The following DGKI variants were observed in gnomAD, a reference collection of about 807,000 sequenced individuals.
The protein encoded by DGKI is diacylglycerol kinase iota, also known as DAG kinase iota.
A neutral mutation model predicts 147.5 loss-of-function variants in DGKI; 55 were observed. The ratio of observed to expected loss-of-function variants is 0.37; its 90% CI spans 0.30 to 0.47. The LOEUF (loss-of-function observed/expected upper bound fraction) is 0.47. Among genes scored for constraint, DGKI ranks in the 20% least tolerant of loss-of-function variants. DGKI has a pLI of 1.00. For synonymous variants in DGKI, 469 were observed against 477.1 expected, an observed-to-expected ratio of 0.98 and a Z score of 0.22; for missense variants, 1,007 against 1,323.8, an observed-to-expected ratio of 0.76 and a Z score of 3.71.
At chr7:137,810,364 A>G (rs1278448761) in intron 1 of DGKI, among the ~76,000 whole-genome samples, 1 of 152,218 alleles carries the variant, frequency 6.6e-6, no homozygotes, top group Non-Finnish European at 1.5e-5. Flanking sequence ...AATACAGAAA[A>G]AAAAATTAAG....
Position 137,678,543 on chromosome 7 carries a change from G to A in DGKI, c.606+14C>T. Reference sequence around the variant, plus strand: ...CCACAGGCCTTCCCCCAGCAAGACGGAGCGCACACTCACTGCAAATCTGAC... The same window carrying A: ...CCACAGGCCTTCCCCCAGCAAGACGAAGCGCACACTCACTGCAAATCTGAC... On this transcript the variant is annotated intron_variant, in intron 3 of 32. Transcript: ENST00000614521. 6.2e-7 allele frequency: 1 copy of A among 1,613,288 alleles called. No individual in the cohort carries two copies. The highest frequency in any genetic ancestry group is 2.2e-5 in the East Asian group (1 of 44,874).
intron 1 of DGKI, among the ~76,000 whole-genome samples, chr7:137,706,642 G>A (rs1168287947): frequency 6.8e-6 from 1 of 147,838 alleles, no homozygotes; most frequent in East Asian, 2.0e-4. Flanking sequence ...GTGCAATTTT[G>A]GATCACTGCA....
intron 12 of DGKI, among the ~76,000 whole-genome samples, chr7:137,589,282 G>A (rs911931268): frequency 1.3e-5 from 2 of 152,200 alleles, no homozygotes; most frequent in African/African-American, 4.8e-5. Flanking sequence ...CTCCACAAAG[G>A]TGACTTACCA....
At chr7:137,745,147 T>A (rs1305494958) in intron 1 of DGKI, among the ~76,000 whole-genome samples, 1 of 152,168 alleles carries the variant, frequency 6.6e-6, no homozygotes, top group Non-Finnish European at 1.5e-5. Context: ...TGTAAAAACA[T>A]CCGTTTGTGG....
At chr7:137,721,489 CA>C in intron 1 of DGKI, among the ~76,000 whole-genome samples, 2 of 152,124 alleles carry the variant, frequency 1.3e-5, no homozygotes, top group Non-Finnish European at 2.9e-5. Flanking sequence ...ACTATCTCTC[CA>C]CTGCCTCTAC....
chr7:137,729,299 T>A (rs1794801488), intron 1 of DGKI, among the ~76,000 whole-genome samples: 1 of 152,104 alleles, frequency 6.6e-6, no homozygotes, highest in Non-Finnish European at 1.5e-5. Flanking sequence ...CATGTGCAAC[T>A]TCTCTTACTC....
chr7:137,514,980 A>G (rs186761816), intron 21 of DGKI, among the ~76,000 whole-genome samples: 1 of 152,236 alleles, frequency 6.6e-6, no homozygotes, highest in Admixed American at 6.5e-5. Context: ...CATGGCCTAT[A>G]AGCCCCCTCC....
chr7:137,763,351 C>T (rs1339323549), intron 1 of DGKI, among the ~76,000 whole-genome samples: 2 of 152,216 alleles, frequency 1.3e-5, no homozygotes, highest in Non-Finnish European at 2.9e-5. Context: ...AAATGTCTCG[C>T]AGGATCCTAG....
intron 21 of DGKI, among the ~76,000 whole-genome samples, chr7:137,498,210 T>A (rs1410672391): frequency 6.6e-6 from 1 of 150,994 alleles, no homozygotes. Context: ...AGTTAAAAGA[T>A]AAAGTTGAGA....
chr7:137,837,926 A>G (rs1798433299), intron 1 of DGKI, among the ~76,000 whole-genome samples: 1 of 151,810 alleles, frequency 6.6e-6, no homozygotes, highest in Non-Finnish European at 1.5e-5. Flanking sequence ...CGGTGCTTCA[A>G]TTGCATAGGA....
intron 1 of DGKI, among the ~76,000 whole-genome samples, chr7:137,825,762 G>A (rs1401608760): frequency 6.6e-6 from 1 of 151,954 alleles, no homozygotes; most frequent in East Asian, 1.9e-4. Context: ...TTTCTAACAT[G>A]GATGGACGGT....
At chr7:137,547,469 G>A (rs1221754907) in intron 20 of DGKI, among the ~76,000 whole-genome samples, 1 of 152,300 alleles carries the variant, frequency 6.6e-6, no homozygotes, top group Non-Finnish European at 1.5e-5. Flanking sequence ...GTGGACCATA[G>A]CTTGAAATTA....
At position 137,584,541 on chromosome 7, in the gene DGKI, A is replaced by C. The variant is rs1186272126; in HGVS notation, c.1563+668T>G. On this transcript the variant is annotated intron_variant, in intron 14 of 32. Coordinates refer to ENST00000614521, the MANE Select transcript of DGKI (RefSeq NM_001321708.2). The stretch of plus-strand genomic sequence containing the variant: ...ATGACAACAATAGATACTGGGGACC[A>C]CTAGAGTAGAGAGGGAAGGAGAGGG... 2.6e-5 allele frequency among the ~76,000 whole-genome samples: 4 copies of C among 152,240 alleles called. No individual in the cohort carries two copies. The South Asian group carries it at 8.3e-4, about 31-fold the overall frequency.
intron 27 of DGKI, among the ~76,000 whole-genome samples, chr7:137,451,412 T>G (rs1813950187): frequency 1.3e-5 from 2 of 152,328 alleles, no homozygotes; most frequent in Middle Eastern, 6.8e-3. Flanking sequence ...CTCAAGCATC[T>G]CTAAGAAACT....
chr7:137,572,481 T>C (rs921298914), intron 18 of DGKI, among the ~76,000 whole-genome samples: 3 of 152,196 alleles, frequency 2.0e-5, no homozygotes, highest in Admixed American at 2.0e-4. Flanking sequence ...GGAAGAACAG[T>C]AATTTAGAAA....
chr7:137,570,628 G>A (rs1014393214), intron 19 of DGKI, among the ~76,000 whole-genome samples: 1 of 146,584 alleles, frequency 6.8e-6, no homozygotes, highest in Admixed American at 6.9e-5. Flanking sequence ...AGTTTCACTC[G>A]TCACCCAGGC....
chr7:137,436,924 A>G (rs1404282960), intron 28 of DGKI, among the ~76,000 whole-genome samples: 1 of 152,198 alleles, frequency 6.6e-6, no homozygotes, highest in Non-Finnish European at 1.5e-5. Context: ...TGAAGAAAAG[A>G]GTATTAAATA....
chr7:137,565,339 A>T (rs79286254), intron 19 of DGKI, among the ~76,000 whole-genome samples: 1,948 of 152,298 alleles, frequency 0.013, 25 homozygotes, highest in South Asian at 0.032. Context: ...CATCAAATAT[A>T]GTTATTTATT....
chr7:137,391,342 C>G lies in DGKI; in HGVS notation c.3058-6G>C. On this transcript the variant is annotated splice_polypyrimidine_tract_variant and splice_region_variant and intron_variant, in intron 32 of 32. Coordinates refer to ENST00000614521, the MANE Select transcript of DGKI (RefSeq NM_001321708.2). ...CTTTCTTGAGGTGTCTTACCCTATA[C>G]GAAAATAGTGAGAAAAAAAAAAAGA... 3 of 1,485,174 alleles carry G rather than the reference C, an allele frequency of 2.0e-6. No individual in the cohort carries two copies. The South Asian group carries it at 4.1e-5, about 20-fold the overall frequency. 92.0% of individuals were successfully genotyped at this position (1,485,174 alleles called of 1,614,324 possible).
Sources: allele counts gnomAD v4.1 joint callset (sites outside exome capture counted in the v4.1 genomes callset), GRCh38; gene constraint gnomAD v4.1.1; transcripts MANE v1.5; gene names NCBI Gene and HGNC (gene_info 2026-07-23, HGNC 2026-07-21).